Variants in GRM1 observed in about 807,000 individuals in gnomAD.
The protein encoded by GRM1 is glutamate metabotropic receptor 1, also known as metabotropic glutamate receptor 1.
Under a neutral mutation model 90.9 loss-of-function variants are expected in GRM1, and 33 were observed. The observed-to-expected ratio is 0.36, with a 90% confidence interval of 0.28 to 0.49. The LOEUF is 0.49. GRM1 is among the 20% of genes least tolerant of loss of function. GRM1 has a pLI of 0.99. For missense variants in GRM1, 1,190 were observed against 1,534.3 expected, an observed-to-expected ratio of 0.78 and a Z score of 3.75; for synonymous variants, 700 against 613.2, an observed-to-expected ratio of 1.14 and a Z score of -2.09.
Position 146,267,675 on chromosome 6 carries a change from GGGCTGGGCTC to G in GRM1, c.951-36931_951-36922del, listed in dbSNP as rs1562568616. ...GGGCTGGGCTGGGCTGGGCTGGGCT[GGGCTGGGCTC>G]GGCTCGGCTCGGCTCGGCTCGTCTC... On this transcript the variant is annotated intron_variant, in intron 2 of 7. Coordinates refer to ENST00000282753, the MANE Select transcript of GRM1 (RefSeq NM_001278064.2). Among the ~76,000 whole-genome samples, 198 of 103,158 alleles carry G rather than the reference GGGCTGGGCTC, an allele frequency of 1.9e-3. 5 individuals are homozygous for G. The highest frequency in any genetic ancestry group is 0.014 in the African/African-American group (180 of 12,646). 67.7% of individuals were successfully genotyped at this position (103,158 alleles called of 152,430 possible).
At chr6:146,027,781 T>G (rs1446861332), upstream of GRM1, 1 of 152,162 alleles carries the variant, frequency 6.6e-6, no homozygotes, top group African/African-American at 2.4e-5. Context: ...CTACCCCGAC[T>G]CAGGTACTCA....
rs562648497 is a variant in GRM1, at chr6:146,436,302, A to G, written c.*1506A>G. The G allele has an allele frequency of 6.6e-6, 1 of 152,230 alleles. No homozygotes were observed. The highest frequency in any genetic ancestry group is 6.5e-5 in the Admixed American group (1 of 15,286). 9.4% of individuals were successfully genotyped at this position (152,230 alleles called of 1,614,324 possible). On this transcript the variant is annotated 3_prime_UTR_variant, in exon 8 of 8. Transcript: ENST00000282753. ...TTTTCAGATATTTTCTGATGTGGAG[A>G]TATGTTATTAATGAAGTGGTTTGAA...
At chr6:146,181,927 AAC>A (rs779724911) in intron 2 of GRM1, among the ~76,000 whole-genome samples, 1 of 152,152 alleles carries the variant, frequency 6.6e-6, no homozygotes, top group Non-Finnish European at 1.5e-5. Flanking sequence ...TTATTCTTGG[AAC>A]ACACAGCAGT....
chr6:146,139,474 C>T (rs1361289824), intron 1 of GRM1, among the ~76,000 whole-genome samples: 1 of 152,048 alleles, frequency 6.6e-6, no homozygotes, highest in Non-Finnish European at 1.5e-5. Context: ...ATAACATTTG[C>T]TTTATATATC....
At chr6:146,280,822 C>T (rs1782539968) in intron 2 of GRM1, among the ~76,000 whole-genome samples, 2 of 151,910 alleles carry the variant, frequency 1.3e-5, no homozygotes, top group East Asian at 1.9e-4. Flanking sequence ...GAGATAGGGT[C>T]GGACTATGCT....
At chr6:146,331,795 A>G (rs1263058938) in intron 3 of GRM1, among the ~76,000 whole-genome samples, 2 of 152,102 alleles carry the variant, frequency 1.3e-5, no homozygotes, top group Non-Finnish European at 2.9e-5. Context: ...AAACATGTTT[A>G]TTTTTGAAGG....
At chr6:146,397,307 T>A in intron 6 of GRM1, among the ~76,000 whole-genome samples, 1 of 151,748 alleles carries the variant, frequency 6.6e-6, no homozygotes, top group Non-Finnish European at 1.5e-5. Context: ...ACCCCGTCTC[T>A]AGTAAAAATA....
intron 2 of GRM1, among the ~76,000 whole-genome samples, chr6:146,265,721 G>A (rs1461397194): frequency 6.6e-6 from 1 of 152,076 alleles, no homozygotes; most frequent in Non-Finnish European, 1.5e-5. Context: ...TGAGAGATAA[G>A]GACCCAAATT....
chr6:146,366,191 G>A (rs1310652112), intron 5 of GRM1, among the ~76,000 whole-genome samples: 1 of 152,252 alleles, frequency 6.6e-6, no homozygotes, highest in Middle Eastern at 3.4e-3. Context: ...GAATAAATAT[G>A]CTCTCCATAG....
chr6:146,104,770 G>C (rs1777170850), intron 1 of GRM1, among the ~76,000 whole-genome samples: 1 of 152,178 alleles, frequency 6.6e-6, no homozygotes. Context: ...ACACCATACT[G>C]TAAAAAATGA....
intron 1 of GRM1, among the ~76,000 whole-genome samples, chr6:146,150,928 G>GCA (rs1777302585): frequency 1.2e-5 from 1 of 86,598 alleles, no homozygotes; most frequent in Non-Finnish European, 2.2e-5. Context: ...ACACACACAC[G>GCA]CGTGTGCGCG....
chr6:146,390,355 A>C (rs1776672558), intron 6 of GRM1, among the ~76,000 whole-genome samples: 1 of 151,926 alleles, frequency 6.6e-6, no homozygotes, highest in Non-Finnish European at 1.5e-5. Flanking sequence ...AGCTGTTAAA[A>C]AGTTTCTCAT....
chr6:146,420,494 A>T (rs1330469865), intron 7 of GRM1, among the ~76,000 whole-genome samples: 1 of 152,202 alleles, frequency 6.6e-6, no homozygotes, highest in Non-Finnish European at 1.5e-5. Flanking sequence ...GGATTACGTT[A>T]AGCAGTGCCC....
chr6:146,220,511 ACT>A (rs1483649818), intron 2 of GRM1, among the ~76,000 whole-genome samples: 1 of 152,046 alleles, frequency 6.6e-6, no homozygotes, highest in Non-Finnish European at 1.5e-5. Flanking sequence ...GTCATGTTTT[ACT>A]CTGTTTTCTA....
chr6:146,253,970 C>CTT (rs200846979), intron 2 of GRM1, among the ~76,000 whole-genome samples: 2 of 146,820 alleles, frequency 1.4e-5, no homozygotes, highest in Non-Finnish European at 3.0e-5. Context: ...CAATATTTTA[C>CTT]TTTTTTTTTT....
At chr6:146,169,854 A>G (rs1778038172) in intron 2 of GRM1, among the ~76,000 whole-genome samples, 1 of 152,162 alleles carries the variant, frequency 6.6e-6, no homozygotes. Flanking sequence ...TCACATTCCT[A>G]CTAGCAATGT....
At chr6:146,432,075 T>C (rs1778431640) in intron 7 of GRM1, among the ~76,000 whole-genome samples, 2 of 152,214 alleles carry the variant, frequency 1.3e-5, no homozygotes, top group South Asian at 2.1e-4. Context: ...TCCAACAAGA[T>C]AGTGTGGAAG....
intron 2 of GRM1, among the ~76,000 whole-genome samples, chr6:146,183,602 G>A (rs1778624308): frequency 6.6e-6 from 1 of 152,142 alleles, no homozygotes; most frequent in Non-Finnish European, 1.5e-5. Flanking sequence ...TCTATAAAAA[G>A]ACGGCCAGAA....
chr6:146,293,869 G>A (rs1229960499), intron 2 of GRM1, among the ~76,000 whole-genome samples: 1 of 151,418 alleles, frequency 6.6e-6, no homozygotes, highest in Admixed American at 6.6e-5. Context: ...TTGGCTTGGA[G>A]TTAAAATTTA....
Sources: allele counts gnomAD v4.1 joint callset (sites outside exome capture counted in the v4.1 genomes callset), GRCh38; gene constraint gnomAD v4.1.1; transcripts MANE v1.5; gene names NCBI Gene and HGNC (gene_info 2026-07-23, HGNC 2026-07-21).